The following MRPL33 variants were observed in gnomAD, a reference collection of about 807,000 sequenced individuals.
MRPL33 encodes the protein large ribosomal subunit protein bL33m.
Under a neutral mutation model 10.1 loss-of-function variants are expected in MRPL33, and 5 were observed. That is an observed-to-expected ratio of 0.49 (90% CI 0.26 to 1.04). The LOEUF is 1.04. MRPL33 is among the 50% of genes least tolerant of loss of function. MRPL33 has a pLI of 0.14. For missense variants in MRPL33, 79 were observed against 78.1 expected (o/e 1.01, Z -0.04); for synonymous variants, 24 against 27.7 (o/e 0.87, Z 0.42).
Position 27,772,156 on chromosome 2 carries a change from C to T in MRPL33, c.22+357C>T, listed in dbSNP as rs1412912852. ...GAACTCTAAAAATAAGGAAACCGCT[C>T]CCGAGAGGGGCAATGAATTGCCTGA... On this transcript the variant is annotated intron_variant, in intron 1 of 3. Transcript: ENST00000296102. The T allele has an allele frequency of 3.8e-5, 12 of 319,768 alleles. No individual in the cohort carries two copies. The Admixed American group carries it at 4.9e-4, about 13-fold the overall frequency. 19.8% of individuals were successfully genotyped at this position (319,768 alleles called of 1,614,324 possible).
At chr2:27,775,622 G>C (rs985137635) in intron 3 of MRPL33, among the ~76,000 whole-genome samples, 2 of 152,120 alleles carry the variant, frequency 1.3e-5, no homozygotes, top group Non-Finnish European at 2.9e-5. Flanking sequence ...AAAGTGCTGG[G>C]ATTACAGGTG....
chr2:27,772,975 A>G, intron 2 of MRPL33: 1 of 414,834 alleles, frequency 2.4e-6, no homozygotes, highest in Non-Finnish European at 4.3e-6. Flanking sequence ...TTTCTAAACA[A>G]ACCATTGGGC....
rs367624835 is a variant in MRPL33, at chr2:27,778,438, G to GGT, written c.149-981_149-980dup. Among the ~76,000 whole-genome samples the GGT allele has an allele frequency of 6.3e-3, 944 of 150,886 alleles. 4 individuals carry two copies. Among genetic ancestry groups the GGT allele is most frequent in the Non-Finnish European group, 7.6e-3 (512 of 67,578 alleles). The stretch of plus-strand genomic sequence containing the variant: ...TTTTAGCAAAGAGGAAATAGGTAGG[G>GGT]GTGTGTGTGTGTGTGGGTGTGTGGG... On this transcript the variant is annotated intron_variant, in intron 3 of 3. Coordinates refer to ENST00000296102, the MANE Select transcript of MRPL33 (RefSeq NM_004891.4).
At chr2:27,777,659 T>C (rs948408096) in intron 3 of MRPL33, among the ~76,000 whole-genome samples, 1 of 152,228 alleles carries the variant, frequency 6.6e-6, no homozygotes, top group South Asian at 2.1e-4. Flanking sequence ...TCTTACACTT[T>C]TGTAAACTCT....
chr2:27,778,462 G>T lies in MRPL33; in HGVS notation c.149-971G>T, dbSNP rs548276434. Among the ~76,000 whole-genome samples, 19 of 151,732 alleles carry T rather than the reference G, an allele frequency of 1.3e-4. No individual in the cohort carries two copies. The South Asian group carries it at 3.1e-3, about 25-fold the overall frequency. On this transcript the variant is annotated intron_variant, in intron 3 of 3. Coordinates refer to ENST00000296102, the MANE Select transcript of MRPL33 (RefSeq NM_004891.4). The stretch of plus-strand genomic sequence containing the variant: ...GGGTGTGTGTGTGTGTGGGTGTGTG[G>T]GTGTGTGTGTGAGAGAGATGGAAGT...
chr2:27,779,493 GAAA>G lies in MRPL33; in HGVS notation c.*13_*15del. The G allele has an allele frequency of 1.9e-6, 3 of 1,613,530 alleles. No individual in the cohort carries two copies. Among genetic ancestry groups the G allele is most frequent in the Non-Finnish European group, 2.5e-6 (3 of 1,179,834 alleles). On this transcript the variant is annotated 3_prime_UTR_variant, in exon 4 of 4. Coordinates refer to ENST00000296102, the MANE Select transcript of MRPL33 (RefSeq NM_004891.4). ...ATACGCTCCCTTTAAACGGTGGATT[GAAA>G]ATGACTTTGATTTATAAAGAGAAGA...
chr2:27,779,720 A>G lies in MRPL33; in HGVS notation c.*238A>G, dbSNP rs1191715581. 1.6e-6 allele frequency: 1 copy of G among 613,278 alleles called. No individual in the cohort carries two copies. The highest frequency in any genetic ancestry group is 1.9e-5 in the African/African-American group (1 of 53,018). 38.0% of individuals were successfully genotyped at this position (613,278 alleles called of 1,614,324 possible). A position where few individuals can be genotyped will look rare whatever the true frequency, so the allele number is the denominator to read the frequency against. ...TGGGTATTTTTATAGCCCTTAATAA[A>G]AAATATTAAAATAGCCTGTGCTATT... On this transcript the variant is annotated 3_prime_UTR_variant, in exon 4 of 4. Transcript: ENST00000296102.
intron 3 of MRPL33, among the ~76,000 whole-genome samples, chr2:27,775,560 C>G (rs1677132818): frequency 6.6e-6 from 1 of 151,974 alleles, no homozygotes. Context: ...CCATGTTAGC[C>G]ACGCTGGTCT....
At chr2:27,778,359 G>A (rs780345059) in intron 3 of MRPL33, among the ~76,000 whole-genome samples, 1 of 152,078 alleles carries the variant, frequency 6.6e-6, no homozygotes, top group Admixed American at 6.5e-5. Flanking sequence ...AGTTGTTTAA[G>A]TTCCTGGATC....
chr2:27,772,219 C>T (rs950595620), intron 1 of MRPL33: 2 of 251,752 alleles, frequency 7.9e-6, no homozygotes, highest in South Asian at 9.6e-5. Flanking sequence ...CCTCGGGCTC[C>T]CGAGTCAGTG....
At chr2:27,774,098 ATT>A (rs1301744170) in intron 2 of MRPL33, among the ~76,000 whole-genome samples, 1 of 152,162 alleles carries the variant, frequency 6.6e-6, no homozygotes, top group Non-Finnish European at 1.5e-5. Flanking sequence ...GGTTACCAGT[ATT>A]TTGATATTTT....
At chr2:27,771,874 A>T (rs1677054836) in intron 1 of MRPL33, 75 bp downstream of exon 1, 2 of 1,441,964 alleles carry the variant, frequency 1.4e-6, no homozygotes, top group Admixed American at 3.6e-5. Context: ...CCCCGGAATG[A>T]TGCGGGGAAG....
In MRPL33 at chr2:27,779,445, T is replaced by C. The variant is rs145049802; in HGVS notation, c.161T>C (p.Val54Ala). 2.5e-6 allele frequency: 4 copies of C among 1,606,770 alleles called. No individual in the cohort carries two copies. In the African/African-American group the frequency reaches 5.4e-5, roughly 22 times the overall value. Residue 54 changes from valine (V) to alanine (A), a missense_variant, in exon 4 of 4, where the codon GTC becomes GCC. Transcript: ENST00000296102. Reference protein sequence around the residue: ...LHYDPVVKQRVLFVEKKKIRS... With the variant: ...LHYDPVVKQRALFVEKKKIRS... ...TCTCCCTCCATAGTGAAACAAAGAG[T>C]CCTCTTCGTGGAAAAGAAAAAAATA...
chr2:27,779,505 G>T lies in MRPL33; in HGVS notation c.*23G>T, dbSNP rs2148176085. On this transcript the variant is annotated 3_prime_UTR_variant, in exon 4 of 4. Transcript: ENST00000296102. ...TAAACGGTGGATTGAAAATGACTTT[G>T]ATTTATAAAGAGAAGACTGAGGGCG... 1.2e-6 allele frequency: 2 copies of T among 1,613,212 alleles called. No individual in the cohort carries two copies. Among genetic ancestry groups the T allele is most frequent in the Non-Finnish European group, 1.7e-6 (2 of 1,179,732 alleles).
At chr2:27,776,575 C>A (rs1677178285) in intron 3 of MRPL33, among the ~76,000 whole-genome samples, 1 of 152,218 alleles carries the variant, frequency 6.6e-6, no homozygotes, top group Non-Finnish European at 1.5e-5. Flanking sequence ...ACGTATAAAA[C>A]TAGATGCTAA....
intron 1 of MRPL33, 194 bp downstream of exon 1, chr2:27,771,993 C>T (rs1053255441): frequency 1.6e-6 from 1 of 609,388 alleles, no homozygotes; most frequent in East Asian, 2.9e-5. Flanking sequence ...CTGTGGGTGC[C>T]TGAGAAGGGG....
intron 2 of MRPL33, among the ~76,000 whole-genome samples, chr2:27,774,096 G>C (rs962610446): frequency 2.0e-5 from 3 of 152,208 alleles, no homozygotes; most frequent in Non-Finnish European, 1.5e-5. Context: ...GTGGTTACCA[G>C]TATTTTGATA....
chr2:27,773,873 C>T (rs1190229277), intron 2 of MRPL33, among the ~76,000 whole-genome samples: 1 of 152,146 alleles, frequency 6.6e-6, no homozygotes, highest in African/African-American at 2.4e-5. Flanking sequence ...ACAAACAGTA[C>T]AGGTATTAAA....
intron 1 of MRPL33, 156 bp downstream of exon 1, chr2:27,771,955 GC>G: frequency 1.3e-6 from 1 of 789,368 alleles, no homozygotes; most frequent in Non-Finnish European, 2.0e-6. Context: ...CGTCCGGCAT[GC>G]CCCGCGGCGC....
Sources: allele counts gnomAD v4.1 joint callset (sites outside exome capture counted in the v4.1 genomes callset), GRCh38; gene constraint gnomAD v4.1.1; transcripts MANE v1.5; gene names NCBI Gene and HGNC (gene_info 2026-07-23, HGNC 2026-07-21).